The following HIVEP3 variants were observed in gnomAD, a reference collection of about 807,000 sequenced individuals.
HIVEP3 encodes HIVEP zinc finger 3, also known as transcription factor HIVEP3.
HIVEP3 carries 49 observed loss-of-function variants against 152.8 expected under a neutral mutation model. The observed-to-expected ratio is 0.32, with a 90% CI of 0.26 to 0.41. The LOEUF (loss-of-function observed/expected upper bound fraction) is 0.41. HIVEP3 is among the 10% of genes least tolerant of loss of function. HIVEP3 has a pLI of 1.00. For missense variants in HIVEP3, 2,790 were observed against 3,103.3 expected (o/e 0.90, Z 2.40); for synonymous variants, 1,269 against 1,289.0 (o/e 0.98, Z 0.33).
intron 3 of HIVEP3, among the ~76,000 whole-genome samples, chr1:41,590,590 C>T (rs1174225931): frequency 6.6e-6 from 1 of 152,184 alleles, no homozygotes; most frequent in Non-Finnish European, 1.5e-5. Flanking sequence ...GCCACCTGCC[C>T]CTGAGAGAGA....
At chr1:41,640,539 G>A (rs191705977) in intron 2 of HIVEP3, among the ~76,000 whole-genome samples, 92 of 152,298 alleles carry the variant, frequency 6.0e-4, no homozygotes, top group African/African-American at 2.2e-3. Flanking sequence ...GGGTGCAAAG[G>A]TGAAGAAGAC....
At chr1:41,730,279 C>T (rs1204031768) in intron 1 of HIVEP3, among the ~76,000 whole-genome samples, 1 of 152,250 alleles carries the variant, frequency 6.6e-6, no homozygotes, top group African/African-American at 2.4e-5. Context: ...CTGCCCCTCA[C>T]CTGTGGCCTT....
chr1:41,911,399 T>C (rs945404499), intron 1 of HIVEP3, among the ~76,000 whole-genome samples: 3 of 152,192 alleles, frequency 2.0e-5, no homozygotes, highest in African/African-American at 7.2e-5. Context: ...GTAGGAGAAA[T>C]TGCAGCTGGA....
chr1:41,623,768 T>C (rs1645078416), intron 3 of HIVEP3, among the ~76,000 whole-genome samples: 2 of 152,116 alleles, frequency 1.3e-5, no homozygotes, highest in East Asian at 3.9e-4. Flanking sequence ...CGGCCCATGC[T>C]CCAGGCCCTC....
intron 5 of HIVEP3, among the ~76,000 whole-genome samples, chr1:41,529,005 TCA>T (rs368120275): frequency 7.6e-4 from 62 of 81,964 alleles, no homozygotes; most frequent in African/African-American, 2.7e-3. Context: ...ATCCCTGCCC[TCA>T]CACTCACACC....
At chr1:41,840,848 T>C (rs969790748) in intron 1 of HIVEP3, among the ~76,000 whole-genome samples, 5 of 152,200 alleles carry the variant, frequency 3.3e-5, no homozygotes, top group African/African-American at 9.7e-5. Flanking sequence ...GAGACTCAAG[T>C]AGAGCACTCA....
chr1:41,879,567 C>G (rs1644228758), intron 1 of HIVEP3, among the ~76,000 whole-genome samples: 1 of 152,202 alleles, frequency 6.6e-6, no homozygotes, highest in Non-Finnish European at 1.5e-5. Context: ...TTAAATTAAG[C>G]AGGAACACCC....
intron 3 of HIVEP3, among the ~76,000 whole-genome samples, chr1:41,604,240 C>G (rs1379473214): frequency 1.3e-5 from 2 of 152,126 alleles, no homozygotes; most frequent in South Asian, 2.1e-4. Flanking sequence ...CATAGCAGAT[C>G]TATTCATGAT....
chr1:41,920,987 T>C (rs2124475072), upstream of HIVEP3, among the ~76,000 whole-genome samples: 1 of 152,310 alleles, frequency 6.6e-6, no homozygotes, highest in South Asian at 2.1e-4. Context: ...TTCTCAACCC[T>C]TTAATTATGC....
chr1:41,588,679 G>A (rs543938385), intron 3 of HIVEP3, among the ~76,000 whole-genome samples: 1 of 152,286 alleles, frequency 6.6e-6, no homozygotes, highest in African/African-American at 2.4e-5. Flanking sequence ...CCACACTTCT[G>A]AGTGGGGAGC....
At chr1:41,736,753 C>T (rs1415744569) in intron 1 of HIVEP3, among the ~76,000 whole-genome samples, 2 of 152,204 alleles carry the variant, frequency 1.3e-5, no homozygotes, top group Non-Finnish European at 2.9e-5. Flanking sequence ...ACATGTGTGT[C>T]CTTGGGTGGC....
At chr1:41,611,221 C>T (rs755877170) in intron 3 of HIVEP3, among the ~76,000 whole-genome samples, 3 of 152,130 alleles carry the variant, frequency 2.0e-5, no homozygotes, top group African/African-American at 4.8e-5. Flanking sequence ...TGGATGATAA[C>T]GTAACCCAGG....
At chr1:42,021,701 C>T (rs903011215) in intron 1 of HIVEP3, among the ~76,000 whole-genome samples, 4 of 152,108 alleles carry the variant, frequency 2.6e-5, no homozygotes, top group African/African-American at 9.7e-5. Flanking sequence ...GGCCTGAGAC[C>T]TGGGATACTA....
intron 5 of HIVEP3, 79 bp downstream of exon 5, chr1:41,575,465 C>G: frequency 6.7e-7 from 1 of 1,496,708 alleles, no homozygotes; most frequent in African/African-American, 1.4e-5. Flanking sequence ...CCAACTGAGC[C>G]ACTGCTGCCC....
intron 1 of HIVEP3, among the ~76,000 whole-genome samples, chr1:41,709,809 A>T (rs1397268522): frequency 6.6e-6 from 1 of 152,196 alleles, no homozygotes; most frequent in Non-Finnish European, 1.5e-5. Flanking sequence ...TGCCATCCAT[A>T]GGAATGCCAG....
intron 1 of HIVEP3, among the ~76,000 whole-genome samples, chr1:41,822,662 C>T (rs776457791): frequency 3.3e-5 from 5 of 152,212 alleles, no homozygotes; most frequent in African/African-American, 4.8e-5. Context: ...TATACCATGA[C>T]AGTCCCCAGA....
chr1:41,811,541 C>T (rs1474696943), intron 1 of HIVEP3, among the ~76,000 whole-genome samples: 1 of 151,930 alleles, frequency 6.6e-6, no homozygotes, highest in African/African-American at 2.4e-5. Context: ...GCTACCACAT[C>T]CTCTTTTTAC....
intron 2 of HIVEP3, among the ~76,000 whole-genome samples, chr1:41,667,252 G>A (rs193229454): frequency 1.5e-4 from 23 of 152,338 alleles, no homozygotes; most frequent in Admixed American, 1.2e-3. Flanking sequence ...TTAACACACG[G>A]CTGCTCTGAC....
intron 1 of HIVEP3, among the ~76,000 whole-genome samples, chr1:41,768,663 T>C (rs1405888870): frequency 1.3e-5 from 2 of 152,230 alleles, no homozygotes; most frequent in Admixed American, 6.5e-5. Flanking sequence ...AGAGGAACTC[T>C]TCTCGCAGGC....
Sources: allele counts gnomAD v4.1 joint callset (sites outside exome capture counted in the v4.1 genomes callset), GRCh38; gene constraint gnomAD v4.1.1; transcripts MANE v1.5; gene names NCBI Gene and HGNC (gene_info 2026-07-23, HGNC 2026-07-21).